The following ANKMY1 variants were observed in gnomAD, a reference collection of about 807,000 sequenced individuals.
The protein encoded by ANKMY1 is ankyrin repeat and MYND domain containing 1.
A neutral mutation model predicts 102.0 loss-of-function variants in ANKMY1; 98 were observed. The ratio of observed to expected loss-of-function variants is 0.96; its 90% CI spans 0.82 to 1.14. The LOEUF is 1.14. Among genes scored for constraint, ANKMY1 ranks in the 50% most tolerant of loss-of-function variants. The pLI is 0.00. For synonymous variants in ANKMY1, 582 were observed against 559.9 expected, an observed-to-expected ratio of 1.04 and a Z score of -0.56; for missense variants, 1,330 against 1,347.6, an observed-to-expected ratio of 0.99 and a Z score of 0.20.
upstream of ANKMY1, chr2:240,561,024 TGCACCGCGTACCTCATGCG>T (rs758876457): frequency 2.6e-6 from 4 of 1,536,154 alleles, no homozygotes; most frequent in Admixed American, 2.1e-5. Context: ...GGCCGCCGTC[TGCACCGCGTACCTCATGCG>T]GCACCGCGGC....
In ANKMY1 at chr2:240,520,483, T is replaced by G. The variant is rs767525899; in HGVS notation, c.1883A>C (p.Asp628Ala). The G allele has an allele frequency of 6.2e-7, 1 of 1,613,236 alleles. No homozygotes were observed. Among genetic ancestry groups the G allele is most frequent in the East Asian group, 2.2e-5 (1 of 44,846 alleles). The change falls in exon 9 of 18, where the codon GAC (aspartate) becomes GCC (alanine). Residue 628 changes from aspartate to alanine, a missense_variant. Asp to Ala is a moderately radical substitution (Grantham distance 126). Coordinates refer to ENST00000401804, the MANE Select transcript of ANKMY1 (RefSeq NM_001282771.3). The surrounding 1 kb of genome is among the most constrained non-coding windows in gnomAD (Gnocchi z 4.8). ...CATGGGCACGCAGCACAGGTTGGGGTCCGCGCCCCGGCGCAGCAGCAGCTT... is the reference window on the plus strand; with the variant it reads ...CATGGGCACGCAGCACAGGTTGGGGGCCGCGCCCCGGCGCAGCAGCAGCTT... ...TIKLLLRRGA[D>A]PNLCCVPMQV...
chr2:240,557,398 C>T lies in ANKMY1; in HGVS notation c.-17-46G>A, dbSNP rs540347054. 17 of 1,412,922 alleles carry T rather than the reference C, an allele frequency of 1.2e-5. No homozygotes were observed. The Admixed American group carries it at 2.4e-4, about 20-fold the overall frequency. 87.5% of individuals were successfully genotyped at this position (1,412,922 alleles called of 1,614,324 possible). ...GCACATGTGCCCCCAGGGCTCCCGC[C>T]GCGAACTCAGAGGGCGCCCGAGGCC... is the stretch of plus-strand genomic sequence containing the variant. On this transcript the variant is annotated intron_variant, in intron 1 of 17. Transcript: ENST00000401804.
chr2:240,509,520 C>A, intron 11 of ANKMY1, 65 bp from the exon 12 acceptor site: 2 of 1,125,532 alleles, frequency 1.8e-6, no homozygotes, highest in South Asian at 1.5e-5. Flanking sequence ...TGATGGTAGT[C>A]ATTAATTTAA....
At chr2:240,518,097 G>C (rs895132658) in intron 9 of ANKMY1, among the ~76,000 whole-genome samples, 2 of 152,180 alleles carry the variant, frequency 1.3e-5, no homozygotes, top group Non-Finnish European at 2.9e-5. Flanking sequence ...TGACGAATGG[G>C]GGGGAAGGGT....
Position 240,500,231 on chromosome 2 carries a change from G to T in ANKMY1, c.2641-108C>A, listed in dbSNP as rs2077947837. 5.2e-5 allele frequency: 71 copies of T among 1,363,450 alleles called. 2 individuals are homozygous for T. The South Asian group carries it at 1.0e-3, about 19-fold the overall frequency. 84.5% of individuals were successfully genotyped at this position (1,363,450 alleles called of 1,614,324 possible). A position where few individuals can be genotyped will look rare whatever the true frequency, so the allele number is the denominator to read the frequency against. The stretch of plus-strand genomic sequence containing the variant: ...GTCAGCTCTTGTGATATATAACTGA[G>T]GACGAACCCAGACAGACACACAAAG... On this transcript the variant is annotated intron_variant, in intron 14 of 17. Coordinates refer to ENST00000401804, the MANE Select transcript of ANKMY1 (RefSeq NM_001282771.3).
chr2:240,552,787 T>C (rs767410641), intron 4 of ANKMY1, 127 bp downstream of exon 4: 1 of 1,449,696 alleles, frequency 6.9e-7, no homozygotes, highest in Non-Finnish European at 9.5e-7. Flanking sequence ...ATTTTAATCA[T>C]TAAAAGTAAA....
chr2:240,487,501 T>C (rs2076182862), intron 15 of ANKMY1, among the ~76,000 whole-genome samples: 1 of 152,184 alleles, frequency 6.6e-6, no homozygotes, highest in South Asian at 2.1e-4. Flanking sequence ...TAGATAGTAG[T>C]GTGACTGCTG....
At chr2:240,491,410 T>G (rs1323775396) in intron 15 of ANKMY1, among the ~76,000 whole-genome samples, 1 of 152,218 alleles carries the variant, frequency 6.6e-6, no homozygotes, top group Non-Finnish European at 1.5e-5. Context: ...ATATACTTCT[T>G]GTTCCTTTCT....
At chr2:240,479,712 C>G (rs554297455) in intron 17 of ANKMY1, 57 bp from the exon 18 acceptor site, 2 of 1,525,032 alleles carry the variant, frequency 1.3e-6, no homozygotes, top group Non-Finnish European at 1.8e-6. Context: ...TGGCCTCCCC[C>G]GAGGCCTGGC....
chr2:240,544,959 C>A (rs56201550), intron 4 of ANKMY1, among the ~76,000 whole-genome samples: 17,699 of 152,174 alleles, frequency 0.12, 1,143 homozygotes, highest in Middle Eastern at 0.17. Flanking sequence ...CCCAGGCTTG[C>A]TTAGGTAAAC....
chr2:240,561,026 C>A, upstream of ANKMY1: 1 of 1,532,666 alleles, frequency 6.5e-7, no homozygotes, highest in Non-Finnish European at 8.7e-7. Flanking sequence ...CCGCCGTCTG[C>A]ACCGCGTACC....
intron 8 of ANKMY1, chr2:240,522,387 A>C (rs949813105): frequency 6.6e-6 from 1 of 152,270 alleles, no homozygotes; most frequent in Non-Finnish European, 1.5e-5. Flanking sequence ...CCAGTTGGGG[A>C]GAAGGATGGC....
chr2:240,542,644 C>A (rs1341316326), intron 4 of ANKMY1, among the ~76,000 whole-genome samples: 2 of 151,846 alleles, frequency 1.3e-5, no homozygotes, highest in Non-Finnish European at 2.9e-5. Context: ...GTATTGCTAT[C>A]TCACGGAGTT....
intron 3 of ANKMY1, chr2:240,553,844 G>C (rs944134821): frequency 5.3e-5 from 8 of 152,170 alleles, no homozygotes; most frequent in Non-Finnish European, 1.2e-4. Flanking sequence ...GCAGTGAGCC[G>C]AGATTGTGCC....
At chr2:240,487,554 T>C (rs2076190240) in intron 15 of ANKMY1, among the ~76,000 whole-genome samples, 1 of 152,076 alleles carries the variant, frequency 6.6e-6, no homozygotes. Context: ...TCATACTGTT[T>C]TCCATAGTGC....
chr2:240,514,872 T>C (rs1248384291), intron 9 of ANKMY1, among the ~76,000 whole-genome samples: 1 of 152,178 alleles, frequency 6.6e-6, no homozygotes, highest in African/African-American at 2.4e-5. Context: ...CTGCCTCAGA[T>C]GCCCCAGCCA....
upstream of ANKMY1, chr2:240,560,928 CTGGAGCCCACGTGCGCCGCCA>C (rs762296334): frequency 1.9e-6 from 3 of 1,539,436 alleles, no homozygotes; most frequent in Admixed American, 3.9e-5. Flanking sequence ...GCTGGCGCAC[CTGGAGCCCACGTGCGCCGCCA>C]TGGAGGCCGC....
intron 13 of ANKMY1, among the ~76,000 whole-genome samples, chr2:240,501,947 C>T (rs6754707): frequency 0.18 from 28,114 of 152,236 alleles, 3,769 homozygotes; most frequent in East Asian, 0.65. Flanking sequence ...CTCCTTCCTG[C>T]GGAAGCCATG....
the ANKMY1 span, among the ~76,000 whole-genome samples, chr2:240,474,135 G>T: frequency 6.6e-6 from 1 of 151,670 alleles, no homozygotes; most frequent in South Asian, 2.1e-4. Context: ...TCACTCTGTC[G>T]CCCAGACTGG....
Sources: allele counts gnomAD v4.1 joint callset (sites outside exome capture counted in the v4.1 genomes callset), GRCh38; gene constraint gnomAD v4.1.1; non-coding constraint Gnocchi (gnomAD v3.1); transcripts MANE v1.5; gene names NCBI Gene and HGNC (gene_info 2026-07-23, HGNC 2026-07-21).